The following CSMD1 variants were observed in gnomAD, a reference collection of about 807,000 sequenced individuals.
CSMD1 encodes CUB and Sushi multiple domains 1, also known as CUB and sushi domain-containing protein 1.
Under a neutral mutation model 417.5 loss-of-function variants are expected in CSMD1, and 213 were observed. The observed-to-expected ratio is 0.51, with a 90% CI of 0.46 to 0.57. The LOEUF (loss-of-function observed/expected upper bound fraction) is 0.57. Among genes scored for constraint, CSMD1 ranks in the 20% least tolerant of loss-of-function variants. The pLI is 0.00. For synonymous variants in CSMD1, 2,862 were observed against 1,736.8 expected (o/e 1.65, Z -16.11); for missense variants, 6,923 against 4,529.7 (o/e 1.53, Z -15.17).
chr8:3,165,667 C>T (rs1459898923), intron 37 of CSMD1, among the ~76,000 whole-genome samples: 1 of 151,988 alleles, frequency 6.6e-6, no homozygotes, highest in East Asian at 1.9e-4. Flanking sequence ...CTCCTGACCT[C>T]GTGATCCACC....
intron 5 of CSMD1, among the ~76,000 whole-genome samples, chr8:3,844,192 C>T (rs937798346): frequency 6.6e-6 from 1 of 152,122 alleles, no homozygotes; most frequent in Non-Finnish European, 1.5e-5. Context: ...TTTATTTCCT[C>T]TTTAAGAAGG....
At chr8:4,518,577 G>A (rs1008604314) in intron 2 of CSMD1, among the ~76,000 whole-genome samples, 5 of 146,288 alleles carry the variant, frequency 3.4e-5, no homozygotes, top group South Asian at 4.5e-4. Context: ...GAGAACACAT[G>A]GACACAGGAA....
In CSMD1 at chr8:3,910,366, A is replaced by G. The variant is rs573791771; in HGVS notation, c.818+87537T>C. Among the ~76,000 whole-genome samples the G allele has an allele frequency of 3.3e-5, 5 of 152,310 alleles. No homozygotes were observed. The South Asian group carries it at 1.0e-3, about 32-fold the overall frequency. ...AGGGTGGCAGGTGCACCGAGGCCAC[A>G]GAATGCACCAGGAAGAGACTCTGAA... On this transcript the variant is annotated intron_variant, in intron 5 of 69. Transcript: ENST00000635120.
intron 1 of CSMD1, among the ~76,000 whole-genome samples, chr8:4,914,517 G>C (rs560949549): frequency 6.7e-6 from 1 of 150,036 alleles, no homozygotes; most frequent in Admixed American, 6.7e-5. Flanking sequence ...TGCGGAGTTT[G>C]CAGTGAGCTG....
chr8:3,886,052 TTTA>T (rs1402474375), intron 5 of CSMD1, among the ~76,000 whole-genome samples: 5 of 151,796 alleles, frequency 3.3e-5, no homozygotes, highest in African/African-American at 7.3e-5. Flanking sequence ...TACAGACACA[TTTA>T]TTATTATTTT....
chr8:4,427,763 G>T (rs1375079570), intron 2 of CSMD1, among the ~76,000 whole-genome samples: 1 of 151,968 alleles, frequency 6.6e-6, no homozygotes, highest in Non-Finnish European at 1.5e-5. Flanking sequence ...TCTCTCAATA[G>T]AAACTTCAAT....
At chr8:4,621,643 G>C (rs1801785690) in intron 2 of CSMD1, among the ~76,000 whole-genome samples, 2 of 151,938 alleles carry the variant, frequency 1.3e-5, no homozygotes, top group Non-Finnish European at 2.9e-5. Context: ...CACAGTTTTA[G>C]AAACAGAGGA....
chr8:2,974,504 G>T lies in CSMD1; in HGVS notation c.8687C>A (p.Thr2896Lys). Residue 2896 changes from threonine to lysine, a missense_variant, in exon 56 of 70, where the codon ACG (threonine) becomes AAG (lysine). Thr to Lys is a moderately conservative substitution (Grantham distance 78). Coordinates refer to ENST00000635120, the MANE Select transcript of CSMD1 (RefSeq NM_033225.6). ...GTGACTGTCTTCCTGGCACACTCTC[G>T]TGTCGTTGCCTATGAGGCTCTCGCT... ...RGSESLIGND[T>K]RVCQEDSHWS... The T allele has an allele frequency of 6.2e-7, 1 of 1,613,590 alleles. No homozygotes were observed. Among genetic ancestry groups the T allele is most frequent in the Non-Finnish European group, 8.5e-7 (1 of 1,179,642 alleles).
intron 12 of CSMD1, among the ~76,000 whole-genome samples, chr8:3,430,241 G>C (rs1349015338): frequency 6.6e-6 from 1 of 152,082 alleles, no homozygotes; most frequent in Non-Finnish European, 1.5e-5. Flanking sequence ...CTATAAGGGA[G>C]ATGTTATTAC....
chr8:3,259,019 C>T lies in CSMD1; in HGVS notation c.4153+25125G>A, dbSNP rs114159989. 7.6e-3 allele frequency among the ~76,000 whole-genome samples: 1,151 copies of T among 152,238 alleles called. 15 individuals carry two copies. Among genetic ancestry groups the T allele is most frequent in the African/African-American group, 0.026 (1,069 of 41,540 alleles). ...TAGGCTTAATAGCTGGGTGATGAAT[C>T]TAGGTTAGGCACAAAGGTACTCCAG... is the stretch of plus-strand genomic sequence containing the variant. On this transcript the variant is annotated intron_variant, in intron 26 of 69. Coordinates refer to ENST00000635120, the MANE Select transcript of CSMD1 (RefSeq NM_033225.6).
chr8:4,142,063 A>AG (rs1400699467), intron 3 of CSMD1, among the ~76,000 whole-genome samples: 4 of 150,536 alleles, frequency 2.7e-5, no homozygotes, highest in Non-Finnish European at 4.4e-5. Context: ...ATATAAGTTG[A>AG]AAAAAAAATA....
chr8:3,278,334 G>T (rs1802465841), intron 26 of CSMD1: 1 of 152,134 alleles, frequency 6.6e-6, no homozygotes, highest in Non-Finnish European at 1.5e-5. Context: ...TAATTCAAAT[G>T]TGTCCAAGAA....
intron 5 of CSMD1, among the ~76,000 whole-genome samples, chr8:3,996,794 C>T (rs942217475): frequency 6.6e-6 from 1 of 152,176 alleles, no homozygotes; most frequent in African/African-American, 2.4e-5. Flanking sequence ...ATAAAATCAA[C>T]CAGGAAAGGA....
intron 3 of CSMD1, among the ~76,000 whole-genome samples, chr8:4,372,444 G>C (rs747165951): frequency 5.3e-5 from 8 of 151,856 alleles, no homozygotes; most frequent in Non-Finnish European, 1.0e-4. Flanking sequence ...CCATGAATTA[G>C]TGAACTCAAT....
At chr8:3,955,623 A>T (rs1356157260) in intron 5 of CSMD1, among the ~76,000 whole-genome samples, 1 of 152,132 alleles carries the variant, frequency 6.6e-6, no homozygotes, top group African/African-American at 2.4e-5. Context: ...TGAATATCTC[A>T]TCAATAAATA....
chr8:3,374,446 G>T (rs1810182329), intron 18 of CSMD1, among the ~76,000 whole-genome samples: 1 of 152,086 alleles, frequency 6.6e-6, no homozygotes, highest in Non-Finnish European at 1.5e-5. Context: ...CATTCTAATG[G>T]GGAAGGCAAA....
At chr8:4,467,122 T>TAAAAAAA (rs35481238) in intron 2 of CSMD1, among the ~76,000 whole-genome samples, 2 of 86,238 alleles carry the variant, frequency 2.3e-5, no homozygotes, top group Admixed American at 1.3e-4. Flanking sequence ...TTCTTCAGAG[T>TAAAAAAA]AAAAAAAAAA....
intron 5 of CSMD1, among the ~76,000 whole-genome samples, chr8:3,851,837 G>C (rs542754739): frequency 3.3e-5 from 5 of 152,310 alleles, no homozygotes; most frequent in African/African-American, 4.8e-5. Flanking sequence ...AGGGCGCCAG[G>C]AGGGTCGGGT....
At chr8:4,316,173 T>C (rs186724291) in intron 3 of CSMD1, among the ~76,000 whole-genome samples, 7 of 152,268 alleles carry the variant, frequency 4.6e-5, no homozygotes, top group South Asian at 4.1e-4. Context: ...ATTATGTAGA[T>C]TAGCTAAATT....
Sources: gnomAD v4.1 joint callset for allele counts (sites outside exome capture counted in the v4.1 genomes callset) on GRCh38, gnomAD v4.1.1 for gene constraint, MANE v1.5 for transcripts, NCBI Gene and HGNC (gene_info 2026-07-23, HGNC 2026-07-21) for gene names.